Variants in CTNNA1 observed in about 807,000 individuals in gnomAD.
CTNNA1 encodes the protein catenin alpha-1.
A neutral mutation model predicts 98.4 loss-of-function variants in CTNNA1; 37 were observed. That is an observed-to-expected ratio of 0.38 (90% CI 0.29 to 0.49). The LOEUF (loss-of-function observed/expected upper bound fraction) is 0.49, where lower values mean the gene tolerates loss of function less well. CTNNA1 is among the 20% of genes least tolerant of loss of function. The pLI, the probability that CTNNA1 is intolerant of heterozygous loss-of-function variation, is 0.95. For missense variants in CTNNA1, 761 were observed against 1,147.2 expected (o/e 0.66, Z 4.86); for synonymous variants, 404 against 413.2 (o/e 0.98, Z 0.27).
intron 7 of CTNNA1, among the ~76,000 whole-genome samples, chr5:138,866,282 A>ATTTAT (rs1764766297): frequency 1.1e-5 from 1 of 92,676 alleles, no homozygotes; most frequent in Non-Finnish European, 2.5e-5. Context: ...TCATTTATTT[A>ATTTAT]TTTATTTATT....
Position 138,811,361 on chromosome 5 carries a change from C to A in CTNNA1, c.469-822C>A, listed in dbSNP as rs1209124935. On this transcript the variant is annotated intron_variant, in intron 4 of 17. Transcript: ENST00000302763. Reference sequence around the variant, plus strand: ...GCTCCTCACTTCCTAGGTGGGATGGCGGCCGGGAAGAGGCGCTCCTCACTT... The same window carrying A: ...GCTCCTCACTTCCTAGGTGGGATGGAGGCCGGGAAGAGGCGCTCCTCACTT... Among the ~76,000 whole-genome samples the A allele has an allele frequency of 3.1e-4, 40 of 129,482 alleles. 1 individual carries two copies. Among genetic ancestry groups the A allele is most frequent in the Non-Finnish European group, 6.1e-4 (36 of 59,004 alleles). The allele number at this position is 129,482 out of a possible 152,430, so 84.9% of individuals were successfully genotyped here.
chr5:138,923,007 G>A (rs966521151), intron 11 of CTNNA1, among the ~76,000 whole-genome samples: 5 of 138,572 alleles, frequency 3.6e-5, no homozygotes, highest in Admixed American at 7.1e-5. Flanking sequence ...ACTTTTGAAC[G>A]GAAAGGAATG....
chr5:138,866,273 C>CATTCATTT (rs1764758972), intron 7 of CTNNA1, among the ~76,000 whole-genome samples: 1 of 138,546 alleles, frequency 7.2e-6, no homozygotes, highest in Non-Finnish European at 1.6e-5. Flanking sequence ...TGTTGTAACT[C>CATTCATTT]ATTTATTTAT....
At position 138,782,027 on chromosome 5, in the gene CTNNA1, C is replaced by T; in HGVS notation, c.103C>T (p.Gln35Ter). The part of the protein sequence containing the change: ...VERLLEPLVT[Q>*]VTTLVNTNSK... ...GAGACTGTTGGAGCCTCTTGTTACACAGGTAAGAATCTGAAAACACAAATA... is the reference window on the plus strand; with the variant it reads ...GAGACTGTTGGAGCCTCTTGTTACATAGGTAAGAATCTGAAAACACAAATA... The change falls in exon 2 of 18, where the codon CAG becomes TAG. Residue 35 changes from glutamine to a stop codon, truncating the protein, a stop_gained and splice_region_variant. Coordinates refer to ENST00000302763, the MANE Select transcript of CTNNA1 (RefSeq NM_001903.5). LOFTEE classifies it high-confidence loss of function. The T allele has an allele frequency of 6.2e-7, 1 of 1,608,130 alleles. No individual in the cohort carries two copies. The highest frequency in any genetic ancestry group is 8.5e-7 in the Non-Finnish European group (1 of 1,178,664).
intron 11 of CTNNA1, among the ~76,000 whole-genome samples, chr5:138,918,391 C>T (rs1179706269): frequency 2.0e-5 from 3 of 152,172 alleles, no homozygotes; most frequent in African/African-American, 7.2e-5. Flanking sequence ...TTCTTCCCTT[C>T]TTGGAAAGCC....
At chr5:138,825,421 T>C (rs930376869) in intron 6 of CTNNA1, among the ~76,000 whole-genome samples, 2 of 149,976 alleles carry the variant, frequency 1.3e-5, no homozygotes, top group African/African-American at 4.9e-5. Flanking sequence ...TTTGGTGGGT[T>C]ATGTGTTCTT....
intron 4 of CTNNA1, among the ~76,000 whole-genome samples, chr5:138,811,665 CG>C (rs749629242): frequency 3.9e-5 from 6 of 152,110 alleles, no homozygotes; most frequent in Non-Finnish European, 5.9e-5. Context: ...TCTGCAATCC[CG>C]GCACCTCTGG....
At chr5:138,798,185 A>G (rs1757170794) in intron 3 of CTNNA1, among the ~76,000 whole-genome samples, 1 of 152,198 alleles carries the variant, frequency 6.6e-6, no homozygotes, top group Non-Finnish European at 1.5e-5. Context: ...GAAAAATAGA[A>G]GGGGGCACAG....
intron 7 of CTNNA1, among the ~76,000 whole-genome samples, chr5:138,844,619 C>T (rs1762544825): frequency 6.6e-6 from 1 of 152,110 alleles, no homozygotes; most frequent in Non-Finnish European, 1.5e-5. Context: ...CTAAATCTAC[C>T]ATTGTCTGTC....
intron 9 of CTNNA1, among the ~76,000 whole-genome samples, chr5:138,899,515 T>A (rs1385728280): frequency 3.9e-5 from 6 of 152,236 alleles, no homozygotes; most frequent in Non-Finnish European, 7.3e-5. Flanking sequence ...ATACCCTCTT[T>A]CCATGGTGAC....
Position 138,873,907 on chromosome 5 carries a change from C to T in CTNNA1, c.1063-12305C>T, listed in dbSNP as rs368521501. The stretch of plus-strand genomic sequence containing the variant: ...GTAGGAAATGAGCAAAATTAATCTT[C>T]GTCAGCTGGTTGTGCTCTAGGTGAA... On this transcript the variant is annotated intron_variant, in intron 7 of 17. Transcript: ENST00000302763. This position sits in a 1 kb window ranked among gnomAD's most constrained non-coding sequence, Gnocchi z 6.1. The T allele has an allele frequency of 8.7e-6, 14 of 1,613,826 alleles. No individual in the cohort carries two copies. The highest frequency in any genetic ancestry group is 1.6e-4 in the Middle Eastern group (1 of 6,084).
intron 13 of CTNNA1, among the ~76,000 whole-genome samples, chr5:138,927,628 T>C (rs1294730763): frequency 6.6e-6 from 1 of 152,248 alleles, no homozygotes; most frequent in East Asian, 1.9e-4. Context: ...TTGTCATTTC[T>C]TCCATTAGAA....
chr5:138,811,133 G>A (rs1489073524), intron 4 of CTNNA1, among the ~76,000 whole-genome samples: 16 of 150,566 alleles, frequency 1.1e-4, no homozygotes, highest in Admixed American at 8.6e-4. Context: ...GGCGGCTGCC[G>A]GGCGGAGGGG....
At chr5:138,825,619 T>TA (rs896401377) in intron 6 of CTNNA1, among the ~76,000 whole-genome samples, 2 of 150,558 alleles carry the variant, frequency 1.3e-5, no homozygotes, top group Non-Finnish European at 3.0e-5. Context: ...AAATATAGAA[T>TA]AAAAAAAAAT....
intron 10 of CTNNA1, among the ~76,000 whole-genome samples, chr5:138,907,615 C>T (rs531066888): frequency 3.3e-5 from 5 of 152,302 alleles, no homozygotes; most frequent in African/African-American, 9.6e-5. Context: ...GAGGTATTCC[C>T]TTCCAAGGTC....
At chr5:138,897,580 A>G (rs1284513981) in intron 9 of CTNNA1, among the ~76,000 whole-genome samples, 1 of 152,074 alleles carries the variant, frequency 6.6e-6, no homozygotes, top group Non-Finnish European at 1.5e-5. Flanking sequence ...CAAATTTTAA[A>G]TGAAGCTTCA....
At chr5:138,823,446 C>T (rs932678980) in intron 5 of CTNNA1, among the ~76,000 whole-genome samples, 1 of 152,180 alleles carries the variant, frequency 6.6e-6, no homozygotes, top group Non-Finnish European at 1.5e-5. Flanking sequence ...CTATGAAGCA[C>T]ATACGCCTCA....
chr5:138,777,988 CTTT>C (rs777826985), intron 1 of CTNNA1, among the ~76,000 whole-genome samples: 6 of 14,858 alleles, frequency 4.0e-4, no homozygotes, highest in African/African-American at 8.9e-4. Flanking sequence ...CTTAATCTGT[CTTT>C]TTTTTTTTTT....
chr5:138,787,043 C>T (rs1755788985), intron 3 of CTNNA1, among the ~76,000 whole-genome samples: 3 of 152,222 alleles, frequency 2.0e-5, no homozygotes, highest in African/African-American at 7.2e-5. Flanking sequence ...TTTAAGATGT[C>T]TTTGTTCTGA....
Sources: gnomAD v4.1 joint callset for allele counts (sites outside exome capture counted in the v4.1 genomes callset) on GRCh38, gnomAD v4.1.1 for gene constraint, Gnocchi (gnomAD v3.1) non-coding constraint, MANE v1.5 for transcripts, NCBI Gene and HGNC (gene_info 2026-07-23, HGNC 2026-07-21) for gene names.